CDK8: variants seen among roughly 807,000 people sequenced by gnomAD.
CDK8 encodes the protein cyclin dependent kinase 8.
Under a neutral mutation model 71.5 loss-of-function variants are expected in CDK8, and 29 were observed. That is an observed-to-expected ratio of 0.41 (90% CI 0.30 to 0.55). The LOEUF is 0.55. CDK8 is among the 20% of genes least tolerant of loss of function. The pLI is 0.37. For synonymous variants in CDK8, 161 were observed against 192.1 expected (o/e 0.84, Z 1.34); for missense variants, 288 against 572.6 (o/e 0.50, Z 5.07).
chr13:26,395,112 A>G (rs531659100), intron 7 of CDK8, among the ~76,000 whole-genome samples: 12 of 152,352 alleles, frequency 7.9e-5, no homozygotes, highest in African/African-American at 2.9e-4. Context: ...TTTAGTTTAC[A>G]ATATGTGATG....
At chr13:26,290,023 A>AT (rs780845167) in intron 1 of CDK8, among the ~76,000 whole-genome samples, 211 of 152,336 alleles carry the variant, frequency 1.4e-3, no homozygotes, top group Non-Finnish European at 2.4e-3. Flanking sequence ...TTTGATGTAA[A>AT]AATAACATTA....
chr13:26,356,462 T>G (rs1476896393), intron 4 of CDK8, among the ~76,000 whole-genome samples: 1 of 152,216 alleles, frequency 6.6e-6, no homozygotes, highest in African/African-American at 2.4e-5. Flanking sequence ...CGTCTGACCC[T>G]TCTGTGTGTC....
intron 2 of CDK8, among the ~76,000 whole-genome samples, chr13:26,340,567 C>T (rs1046185597): frequency 6.6e-6 from 1 of 151,570 alleles, no homozygotes; most frequent in South Asian, 2.1e-4. Flanking sequence ...GAAATAATTC[C>T]CATGTTTTCT....
At chr13:26,330,661 G>A (rs1489885659) in intron 1 of CDK8, among the ~76,000 whole-genome samples, 1 of 151,610 alleles carries the variant, frequency 6.6e-6, no homozygotes, top group African/African-American at 2.4e-5. Flanking sequence ...CACAGGTTAA[G>A]TGAGAACGTG....
chr13:26,368,484 C>T (rs1001502931), intron 4 of CDK8, among the ~76,000 whole-genome samples: 1 of 152,094 alleles, frequency 6.6e-6, no homozygotes, highest in Non-Finnish European at 1.5e-5. Context: ...TTTTATGTAC[C>T]ACTAAGAAAG....
chr13:26,370,534 T>C (rs1256483180), intron 4 of CDK8, among the ~76,000 whole-genome samples: 1 of 152,242 alleles, frequency 6.6e-6, no homozygotes, highest in East Asian at 1.9e-4. Context: ...CTGTTTCATC[T>C]TATATCCCAA....
intron 4 of CDK8, among the ~76,000 whole-genome samples, chr13:26,377,136 G>A (rs934699860): frequency 6.6e-6 from 1 of 152,246 alleles, no homozygotes; most frequent in African/African-American, 2.4e-5. Context: ...TCAGAAACTA[G>A]TTAATATCCC....
chr13:26,266,498 G>A (rs955963663), intron 1 of CDK8, among the ~76,000 whole-genome samples: 4 of 152,204 alleles, frequency 2.6e-5, no homozygotes, highest in Non-Finnish European at 5.9e-5. Context: ...GCAGCTTGGA[G>A]AAATACTAGG....
intron 1 of CDK8, among the ~76,000 whole-genome samples, chr13:26,304,157 CG>C (rs1485350388): frequency 1.5e-4 from 23 of 148,540 alleles, no homozygotes; most frequent in African/African-American, 5.0e-4. Flanking sequence ...TCCAGCTACT[CG>C]GGAGGCTGAG....
At chr13:26,400,268 G>A in intron 9 of CDK8, 185 bp from the exon 10 acceptor site, 1 of 546,312 alleles carries the variant, frequency 1.8e-6, no homozygotes, top group South Asian at 2.3e-5. Flanking sequence ...TATGAAACTG[G>A]AATGACTAAA....
At chr13:26,367,499 C>G (rs998220503) in intron 4 of CDK8, among the ~76,000 whole-genome samples, 1 of 151,996 alleles carries the variant, frequency 6.6e-6, no homozygotes, top group African/African-American at 2.4e-5. Context: ...CCATGGGAAG[C>G]ATTAACCTGT....
At chr13:26,386,546 T>G (rs1050604300) in intron 6 of CDK8, among the ~76,000 whole-genome samples, 17 of 152,310 alleles carry the variant, frequency 1.1e-4, no homozygotes, top group African/African-American at 4.1e-4. Context: ...CCTTTTCCCT[T>G]TTTTATTCCT....
intron 1 of CDK8, among the ~76,000 whole-genome samples, chr13:26,304,701 A>G (rs75510906): frequency 0.058 from 8,832 of 152,116 alleles, 863 homozygotes; most frequent in African/African-American, 0.2. Flanking sequence ...CAGTGGTGTG[A>G]TCAGAGTTCA....
At chr13:26,362,993 GT>G (rs59265120) in intron 4 of CDK8, among the ~76,000 whole-genome samples, 120,519 of 143,230 alleles carry the variant, frequency 0.84, 51,032 homozygotes, top group East Asian at 0.92. Flanking sequence ...TTTCATTGTA[GT>G]TTTTTTTTTT....
rs553870574 is a variant in CDK8 at position 26,396,629 on chromosome 13, TAGTG to T, written c.860+278_860+281del. Among the ~76,000 whole-genome samples, 1,104 of 152,234 alleles carry T rather than the reference TAGTG, an allele frequency of 7.3e-3. 9 individuals are homozygous for T. The highest frequency in any genetic ancestry group is 0.011 in the Non-Finnish European group (719 of 67,948). On this transcript the variant is annotated intron_variant, in intron 8 of 12. Transcript: ENST00000381527. ...TGACTACTTTTTGGAAGCTAGACAT[TAGTG>T]AGAAGTATCACAGCTGAATAAATAA...
chr13:26,276,919 T>C (rs556429839), intron 1 of CDK8, among the ~76,000 whole-genome samples: 78 of 152,346 alleles, frequency 5.1e-4, no homozygotes, highest in African/African-American at 1.8e-3. Flanking sequence ...TCCTTCACCC[T>C]TGAGTCCATC....
In CDK8 at chr13:26,403,944, T is replaced by C; in HGVS notation, c.1270-12T>C. 1 of 1,609,976 alleles carries C rather than the reference T, an allele frequency of 6.2e-7. No individual in the cohort carries two copies. Among genetic ancestry groups the C allele is most frequent in the South Asian group, 1.1e-5 (1 of 91,046 alleles). ...GCACCTGAATCACACTTTTCCCTCATCTCCTTTCCAGCGTTCCAATCCACA... is the reference window on the plus strand; with the variant it reads ...GCACCTGAATCACACTTTTCCCTCACCTCCTTTCCAGCGTTCCAATCCACA... On this transcript the variant is annotated splice_polypyrimidine_tract_variant and intron_variant, in intron 12 of 12. Transcript: ENST00000381527.
At chr13:26,306,545 A>G (rs146692888) in intron 1 of CDK8, among the ~76,000 whole-genome samples, 128 of 151,972 alleles carry the variant, frequency 8.4e-4, no homozygotes, top group East Asian at 5.0e-3. Context: ...AAGGCAATGA[A>G]AAGAGAATCT....
intron 4 of CDK8, among the ~76,000 whole-genome samples, chr13:26,371,702 G>A (rs1043907193): frequency 6.6e-6 from 1 of 151,962 alleles, no homozygotes; most frequent in Non-Finnish European, 1.5e-5. Context: ...TGCAACCTCC[G>A]CCTCCCGGGT....
Sources: allele counts gnomAD v4.1 joint callset (sites outside exome capture counted in the v4.1 genomes callset), GRCh38; gene constraint gnomAD v4.1.1; transcripts MANE v1.5; gene names NCBI Gene and HGNC (gene_info 2026-07-23, HGNC 2026-07-21).